Variants in FAM53B observed in about 807,000 individuals in gnomAD.
The protein encoded by FAM53B is protein FAM53B.
In FAM53B, 12 loss-of-function variants were observed where a neutral mutation model predicts 32.7. The observed-to-expected ratio is 0.37, with a 90% CI of 0.24 to 0.59. FAM53B has a LOEUF of 0.59. Among genes scored for constraint, FAM53B ranks in the 20% least tolerant of loss-of-function variants. FAM53B has a pLI of 0.72. For missense variants in FAM53B, 477 were observed against 577.7 expected (o/e 0.83, Z 1.79); for synonymous variants, 234 against 228.7 (o/e 1.02, Z -0.21).
intron 1 of FAM53B, among the ~76,000 whole-genome samples, chr10:124,723,548 G>A (rs1950083215): frequency 6.6e-6 from 1 of 152,348 alleles, no homozygotes; most frequent in South Asian, 2.1e-4. Flanking sequence ...GAGTTTCTGT[G>A]GGCGGGAGGG....
chr10:124,716,173 T>C (rs777527709), intron 1 of FAM53B, among the ~76,000 whole-genome samples: 1 of 152,174 alleles, frequency 6.6e-6, no homozygotes, highest in Non-Finnish European at 1.5e-5. Flanking sequence ...CAGAGGTGCT[T>C]TCTTCAGTAA....
intron 4 of FAM53B, among the ~76,000 whole-genome samples, chr10:124,664,503 C>G (rs1052449640): frequency 4.6e-5 from 7 of 152,196 alleles, no homozygotes; most frequent in Non-Finnish European, 8.8e-5. Context: ...GCCTTTCTAC[C>G]AGGGGCTACA....
In FAM53B at chr10:124,695,221, TTC is replaced by T. The variant is rs1248180694; in HGVS notation, c.133+935_133+936del. ...TCATCATCTATCATCTGAGAGTGGT[TTC>T]TGAGTCCACGCAGACGTTACAGAAA... On this transcript the variant is annotated intron_variant, in intron 3 of 4. Transcript: ENST00000337318. Among the ~76,000 whole-genome samples, 11 of 152,200 alleles carry T rather than the reference TTC, an allele frequency of 7.2e-5. No homozygotes were observed. The East Asian group carries it at 1.5e-3, about 21-fold the overall frequency.
At chr10:124,675,028 G>A (rs1949728842) in intron 4 of FAM53B, among the ~76,000 whole-genome samples, 1 of 152,204 alleles carries the variant, frequency 6.6e-6, no homozygotes, top group African/African-American at 2.4e-5. Context: ...ATCACCAAGT[G>A]GCACTAAAAG....
At chr10:124,683,180 A>C (rs984294183) in intron 3 of FAM53B, among the ~76,000 whole-genome samples, 6 of 152,268 alleles carry the variant, frequency 3.9e-5, no homozygotes, top group Admixed American at 3.3e-4. Flanking sequence ...CCTGCTATGA[A>C]ATGCTACATT....
chr10:124,693,322 T>C (rs958342474), intron 3 of FAM53B, among the ~76,000 whole-genome samples: 1 of 151,850 alleles, frequency 6.6e-6, no homozygotes, highest in African/African-American at 2.4e-5. Flanking sequence ...ATACAAAAAT[T>C]AGCTGGGCGT....
At chr10:124,723,557 G>T (rs1021618779) in intron 1 of FAM53B, among the ~76,000 whole-genome samples, 3 of 152,216 alleles carry the variant, frequency 2.0e-5, no homozygotes, top group Non-Finnish European at 1.5e-5. Flanking sequence ...TGGGCGGGAG[G>T]GTGGCCAGCA....
intron 4 of FAM53B, among the ~76,000 whole-genome samples, chr10:124,647,556 G>A (rs911572581): frequency 6.6e-6 from 1 of 152,254 alleles, no homozygotes; most frequent in Non-Finnish European, 1.5e-5. Flanking sequence ...CTCAGAACAA[G>A]TGTGAGCAGA....
At position 124,623,304 on chromosome 10, in the gene FAM53B, GGGCCCCGCGGTCCCGCCA is replaced by G; in HGVS notation, c.1189_1206del (p.Trp397_Ala402del). 2.5e-6 allele frequency: 4 copies of G among 1,612,426 alleles called. No individual in the cohort carries two copies. Among genetic ancestry groups the G allele is most frequent in the Non-Finnish European group, 3.4e-6 (4 of 1,179,754 alleles). ...TCCAGGGAGCAGAGGCTGTTCCCAGGGGCCCCGCGGTCCCGCCAGGCTGCAGCCGGCTCCGCTCTCCTG... is the reference window on the plus strand; with the variant it reads ...TCCAGGGAGCAGAGGCTGTTCCCAGGGGCTGCAGCCGGCTCCGCTCTCCTG... On this transcript the variant is annotated inframe_deletion, in exon 5 of 5. Coordinates refer to ENST00000337318, the MANE Select transcript of FAM53B (RefSeq NM_014661.4).
chr10:124,712,358 A>G lies in FAM53B; in HGVS notation c.-174-5471T>C, dbSNP rs963896139. Among the ~76,000 whole-genome samples the G allele has an allele frequency of 5.3e-5, 8 of 152,198 alleles. No homozygotes were observed. In the South Asian group the frequency reaches 1.0e-3, roughly 20 times the overall value. The stretch of plus-strand genomic sequence containing the variant: ...GCCACAGAGCAATACCCTGTCTCAA[A>G]AAATAATTATTATTATTAAGTAATT... On this transcript the variant is annotated intron_variant, in intron 1 of 4. Coordinates refer to ENST00000337318, the MANE Select transcript of FAM53B (RefSeq NM_014661.4).
chr10:124,664,241 T>C (rs1949653700), intron 4 of FAM53B, among the ~76,000 whole-genome samples: 1 of 152,022 alleles, frequency 6.6e-6, no homozygotes, highest in Non-Finnish European at 1.5e-5. Flanking sequence ...AGCACAAGAC[T>C]TGCCAGAGAG....
At chr10:124,659,468 G>A (rs7084935) in intron 4 of FAM53B, among the ~76,000 whole-genome samples, 141 of 152,304 alleles carry the variant, frequency 9.3e-4, no homozygotes, top group African/African-American at 3.0e-3. Flanking sequence ...CACATTTCTG[G>A]GTCCCCAAAG....
intron 4 of FAM53B, among the ~76,000 whole-genome samples, chr10:124,654,291 G>C (rs968760529): frequency 6.6e-6 from 1 of 152,254 alleles, no homozygotes; most frequent in Non-Finnish European, 1.5e-5. Context: ...AGGACCTGGA[G>C]CCTAGGGCCT....
intron 4 of FAM53B, among the ~76,000 whole-genome samples, chr10:124,624,705 G>A (rs987763507): frequency 1.3e-5 from 2 of 152,164 alleles, no homozygotes; most frequent in African/African-American, 2.4e-5. Flanking sequence ...TCTGCTTGGC[G>A]TCAGCTGCCA....
chr10:124,645,461 C>G (rs1374580793), intron 4 of FAM53B, among the ~76,000 whole-genome samples: 1 of 152,208 alleles, frequency 6.6e-6, no homozygotes, highest in Admixed American at 6.5e-5. Flanking sequence ...CATTCCCCAC[C>G]CCACCCCCAT....
intron 2 of FAM53B, among the ~76,000 whole-genome samples, chr10:124,702,674 C>T (rs1157587484): frequency 6.6e-6 from 1 of 152,162 alleles, no homozygotes; most frequent in Non-Finnish European, 1.5e-5. Context: ...TGGGTGCACC[C>T]CTGCCCCTCA....
chr10:124,697,703 G>C (rs528518689), intron 2 of FAM53B, among the ~76,000 whole-genome samples: 1 of 152,102 alleles, frequency 6.6e-6, no homozygotes, highest in South Asian at 2.1e-4. Context: ...AGCCTCCTGG[G>C]GGGGATGCTT....
At chr10:124,690,317 C>T (rs956100181) in intron 3 of FAM53B, among the ~76,000 whole-genome samples, 1 of 152,228 alleles carries the variant, frequency 6.6e-6, no homozygotes, top group South Asian at 2.1e-4. Flanking sequence ...ATGGGGGAAA[C>T]TGGGCTTCAG....
In FAM53B at chr10:124,651,935, T is replaced by C. The variant is rs943552166; in HGVS notation, c.907-28331A>G. Reference sequence around the variant, plus strand: ...ATTTGTCCCCCATCTGTGAAGCATCTGTGGTCCACCAGGTGCTCTCCTGAG... The same window carrying C: ...ATTTGTCCCCCATCTGTGAAGCATCCGTGGTCCACCAGGTGCTCTCCTGAG... On this transcript the variant is annotated intron_variant, in intron 4 of 4. Transcript: ENST00000337318. This position sits in a 1 kb window ranked among gnomAD's most constrained non-coding sequence, Gnocchi z 5.2. 2.6e-5 allele frequency among the ~76,000 whole-genome samples: 4 copies of C among 152,186 alleles called. No homozygotes were observed. Among genetic ancestry groups the C allele is most frequent in the African/African-American group, 9.7e-5 (4 of 41,440 alleles).
Sources: allele counts gnomAD v4.1 joint callset (sites outside exome capture counted in the v4.1 genomes callset), GRCh38; gene constraint gnomAD v4.1.1; non-coding constraint Gnocchi (gnomAD v3.1); transcripts MANE v1.5; gene names NCBI Gene and HGNC (gene_info 2026-07-23, HGNC 2026-07-21).